Variants in TMEM168 observed in about 807,000 individuals in gnomAD.
The protein encoded by TMEM168 is transmembrane protein 168.
TMEM168 carries 40 observed loss-of-function variants against 53.2 expected under a neutral mutation model. The observed-to-expected ratio is 0.75, with a 90% confidence interval of 0.58 to 0.98. The LOEUF is 0.98. Ranked by LOEUF, TMEM168 falls within the 50% of genes least tolerant of loss-of-function variation. TMEM168 has a pLI of 0.00. For synonymous variants in TMEM168, 282 were observed against 293.0 expected, an observed-to-expected ratio of 0.96 and a Z score of 0.38; for missense variants, 771 against 828.8, an observed-to-expected ratio of 0.93 and a Z score of 0.86.
intron 4 of TMEM168, among the ~76,000 whole-genome samples, chr7:112,772,143 T>C (rs1792945464): frequency 6.6e-6 from 1 of 152,182 alleles, no homozygotes; most frequent in African/African-American, 2.4e-5. Context: ...TTTCCCATAA[T>C]GCATGCAAAC....
At position 112,781,007 on chromosome 7, in the gene TMEM168, A is replaced by G. The variant is rs151199863; in HGVS notation, c.1128+2691T>C. ...TAATATTTTGTTTTGCAGGCCATAC[A>G]ATCTCTGTTTTAACTACTCAACTAT... On this transcript the variant is annotated intron_variant, in intron 2 of 4. Coordinates refer to ENST00000312814, the MANE Select transcript of TMEM168 (RefSeq NM_022484.6). 2.2e-4 allele frequency among the ~76,000 whole-genome samples: 33 copies of G among 151,966 alleles called. No homozygotes were observed. In the East Asian group the frequency reaches 6.4e-3, roughly 29 times the overall value.
intron 4 of TMEM168, among the ~76,000 whole-genome samples, chr7:112,769,152 T>C (rs113039805): frequency 1.4e-3 from 217 of 152,316 alleles, no homozygotes; most frequent in African/African-American, 5.0e-3. Context: ...TCCTTTAGAA[T>C]TGGGATTCTA....
intron 3 of TMEM168, among the ~76,000 whole-genome samples, chr7:112,774,465 C>T (rs1005059021): frequency 1.4e-5 from 2 of 146,042 alleles, no homozygotes; most frequent in Non-Finnish European, 3.0e-5. Context: ...TAATAAGGTT[C>T]AGAGTAGTTA....
chr7:112,788,101 C>G (rs562160359), intron 1 of TMEM168, among the ~76,000 whole-genome samples: 1 of 152,102 alleles, frequency 6.6e-6, no homozygotes, highest in African/African-American at 2.4e-5. Flanking sequence ...TTCCTTTTTG[C>G]AGGCATCCAA....
At chr7:112,781,169 G>C (rs1016337835) in intron 2 of TMEM168, among the ~76,000 whole-genome samples, 10 of 150,678 alleles carry the variant, frequency 6.6e-5, no homozygotes, top group Admixed American at 4.0e-4. Flanking sequence ...GACAATTCAG[G>C]AACTATAATA....
At chr7:112,781,680 G>T (rs1051841903) in intron 2 of TMEM168, among the ~76,000 whole-genome samples, 1 of 151,514 alleles carries the variant, frequency 6.6e-6, no homozygotes, top group African/African-American at 2.4e-5. Context: ...AAATGGTGCT[G>T]GGAACAATGA....
At chr7:112,775,453 ATT>A in intron 2 of TMEM168, 135 bp from the exon 3 acceptor site, 1 of 730,226 alleles carries the variant, frequency 1.4e-6, no homozygotes, top group Non-Finnish European at 2.1e-6. Context: ...TCTAAAAACA[ATT>A]TTCAGTTAAA....
At position 112,784,275 on chromosome 7, in the gene TMEM168, A is replaced by G; in HGVS notation, c.551T>C (p.Val184Ala). ...VEKSLSVILL[V>A]VALAMLIIDL... Reference sequence around the variant, plus strand: ...AATAATCAGCATAGCCAGAGCTACAACAAGCAAAATGACACTCAGAGACTT... The same window carrying G: ...AATAATCAGCATAGCCAGAGCTACAGCAAGCAAAATGACACTCAGAGACTT... The change falls in exon 2 of 5, where the codon GTT (valine) becomes GCT (alanine). Residue 184 changes from valine to alanine, a missense_variant. Physicochemically the swap from Val to Ala is moderately conservative, Grantham distance 64. Transcript: ENST00000312814. 2 of 1,614,178 alleles carry G rather than the reference A, an allele frequency of 1.2e-6. No homozygotes were observed. The highest frequency in any genetic ancestry group is 2.7e-5 in the African/African-American group (2 of 75,054).
At chr7:112,769,597 CTT>C (rs920909169) in intron 4 of TMEM168, among the ~76,000 whole-genome samples, 45 of 152,278 alleles carry the variant, frequency 3.0e-4, no homozygotes, top group Middle Eastern at 3.4e-3. Context: ...AACAATTTCT[CTT>C]GTTTTGCTCT....
At chr7:112,775,763 C>T (rs1277661142) in intron 2 of TMEM168, among the ~76,000 whole-genome samples, 1 of 151,816 alleles carries the variant, frequency 6.6e-6, no homozygotes, top group Non-Finnish European at 1.5e-5. Context: ...TCATTTTTTC[C>T]CCATGAAATT....
intron 3 of TMEM168, among the ~76,000 whole-genome samples, chr7:112,774,359 A>ATTT (rs558123531): frequency 1.4e-4 from 13 of 94,250 alleles, no homozygotes; most frequent in Non-Finnish European, 2.2e-4. Flanking sequence ...GTGTTTTTAC[A>ATTT]TTTTTTTTTT....
Position 112,784,702 on chromosome 7 carries a change from T to C in TMEM168, c.124A>G (p.Ile42Val). The change falls in exon 2 of 5, where the codon ATC (isoleucine) becomes GTC (valine). Residue 42 changes from isoleucine to valine, a missense_variant. By Grantham distance (29) the Ile-to-Val change is conservative. Transcript: ENST00000312814. Reference protein sequence around the residue: ...SVRYLGYLARINLLVAICLGL... With the variant: ...SVRYLGYLARVNLLVAICLGL... ...AAGCATATAGCAACCAATAAATTGA[T>C]TCTGGCTAAATAGCCAAGATACCGC... The C allele has an allele frequency of 6.2e-7, 1 of 1,614,038 alleles. No homozygotes were observed. The highest frequency in any genetic ancestry group is 8.5e-7 in the Non-Finnish European group (1 of 1,179,984).
intron 2 of TMEM168, among the ~76,000 whole-genome samples, chr7:112,776,751 T>C (rs1199907775): frequency 6.6e-6 from 1 of 150,972 alleles, no homozygotes; most frequent in African/African-American, 2.5e-5. Context: ...CATATTCATG[T>C]GTATGTTTTT....
rs934321121 is a variant in TMEM168, at chr7:112,762,749, A to C, written c.*4448T>G. 23 of 152,114 alleles carry C rather than the reference A, an allele frequency of 1.5e-4. No individual in the cohort carries two copies. The highest frequency in any genetic ancestry group is 5.1e-4 in the African/African-American group (21 of 41,458). 9.4% of individuals were successfully genotyped at this position (152,114 alleles called of 1,614,324 possible). A position where few individuals can be genotyped will look rare whatever the true frequency, so the allele number is the denominator to read the frequency against. On this transcript the variant is annotated 3_prime_UTR_variant, in exon 5 of 5. Coordinates refer to ENST00000312814, the MANE Select transcript of TMEM168 (RefSeq NM_022484.6). ...TTCAATTTTCAGTCAACTTTGGTCTAAGTAATAATAACAATATTTCCTAAT... is the reference window on the plus strand; with the variant it reads ...TTCAATTTTCAGTCAACTTTGGTCTCAGTAATAATAACAATATTTCCTAAT...
intron 2 of TMEM168, among the ~76,000 whole-genome samples, chr7:112,777,262 T>C (rs1397082685): frequency 6.6e-6 from 1 of 152,224 alleles, no homozygotes; most frequent in Non-Finnish European, 1.5e-5. Context: ...TGCCTTTACA[T>C]TTAAAACTAT....
chr7:112,775,259 A>T lies in TMEM168; in HGVS notation c.1188T>A (p.Ala396=). Residue 396 remains alanine, a synonymous_variant, in exon 3 of 5, where the codon GCT becomes GCA. Transcript: ENST00000312814. ...TACCCAATTCATGGAAGAGCCCATG[A>T]GCCATGGATTCCAATGGCAAAACGA... ...FLIVLPLESM[A]HGLFHELGNC... 1.2e-6 allele frequency: 2 copies of T among 1,613,810 alleles called. No individual in the cohort carries two copies. Among genetic ancestry groups the T allele is most frequent in the Non-Finnish European group, 1.7e-6 (2 of 1,179,842 alleles).
At position 112,769,769 on chromosome 7, in the gene TMEM168, A is replaced by AT. The variant is rs1350694448; in HGVS notation, c.1547-2026dup. Among the ~76,000 whole-genome samples, 4 of 152,114 alleles carry AT rather than the reference A, an allele frequency of 2.6e-5. No homozygotes were observed. The East Asian group carries it at 7.7e-4, about 29-fold the overall frequency. ...ATAAACTGCTTTATAAATTATCTAC[A>AT]TTTTTTCCATTTATTTCTGTCTCTC... is the stretch of plus-strand genomic sequence containing the variant. On this transcript the variant is annotated intron_variant, in intron 4 of 4. Transcript: ENST00000312814.
At chr7:112,768,078 C>G (rs1375813631) in intron 4 of TMEM168, among the ~76,000 whole-genome samples, 1 of 152,148 alleles carries the variant, frequency 6.6e-6, no homozygotes, top group African/African-American at 2.4e-5. Context: ...ACATTCTACA[C>G]CAGGGGCAGC....
In TMEM168 at chr7:112,764,171, A is replaced by G. The variant is rs1792717277; in HGVS notation, c.*3026T>C. 4 of 151,714 alleles carry G rather than the reference A, an allele frequency of 2.6e-5. No homozygotes were observed. The highest frequency in any genetic ancestry group is 2.6e-4 in the Admixed American group (4 of 15,248). The allele number at this position is 151,714 out of a possible 1,614,324, so 9.4% of individuals were successfully genotyped here. A position where few individuals can be genotyped will look rare whatever the true frequency, so the allele number is the denominator to read the frequency against. On this transcript the variant is annotated 3_prime_UTR_variant, in exon 5 of 5. Coordinates refer to ENST00000312814, the MANE Select transcript of TMEM168 (RefSeq NM_022484.6). ...AATAAATAATGGTTAAAAAAAGAAA[A>G]TAAATTCATACTGTTTTTTTTATTC...
Sources: allele counts gnomAD v4.1 joint callset (sites outside exome capture counted in the v4.1 genomes callset), GRCh38; gene constraint gnomAD v4.1.1; transcripts MANE v1.5; gene names NCBI Gene and HGNC (gene_info 2026-07-23, HGNC 2026-07-21).